The following LIMS1 variants were observed in gnomAD, a reference collection of about 807,000 sequenced individuals.
LIMS1 encodes the protein LIM zinc finger domain containing 1, also known as LIM and senescent cell antigen-like-containing domain protein 1.
Under a neutral mutation model 44.1 loss-of-function variants are expected in LIMS1, and 18 were observed. That is an observed-to-expected ratio of 0.41 (90% CI 0.28 to 0.61). The LOEUF (loss-of-function observed/expected upper bound fraction) is 0.61, where lower values mean the gene tolerates loss of function less well. Ranked by LOEUF, LIMS1 falls within the 20% of genes least tolerant of loss-of-function variation. The probability of loss-of-function intolerance (pLI) is 0.32; values close to 1 mark genes in which losing one functional copy is unlikely to be tolerated. For synonymous variants in LIMS1, 93 were observed against 149.1 expected (o/e 0.62, Z 2.74); for missense variants, 201 against 422.0 (o/e 0.48, Z 4.59).
intron 2 of LIMS1, 96 bp downstream of exon 2, chr2:108,659,860 A>G (rs1691214934): frequency 1.2e-6 from 2 of 1,605,102 alleles, no homozygotes; most frequent in Non-Finnish European, 1.7e-6. Flanking sequence ...GTTCAGTTTC[A>G]TGATGAAAGA....
chr2:108,585,215 A>G (rs1453230320), intron 1 of LIMS1, among the ~76,000 whole-genome samples: 1 of 149,512 alleles, frequency 6.7e-6, no homozygotes, highest in Non-Finnish European at 1.5e-5. Flanking sequence ...ACCTTAAGGG[A>G]TGCTGACTGT....
chr2:108,664,873 G>C (rs1691639829), intron 2 of LIMS1, among the ~76,000 whole-genome samples: 1 of 152,038 alleles, frequency 6.6e-6, no homozygotes, highest in East Asian at 1.9e-4. Context: ...CTCCTATTCT[G>C]GTTTTGAAGG....
At chr2:108,601,342 C>T (rs370188364) in intron 1 of LIMS1, among the ~76,000 whole-genome samples, 102 of 152,266 alleles carry the variant, frequency 6.7e-4, no homozygotes, top group African/African-American at 2.4e-3. Context: ...GACACTTGTC[C>T]GTGCACAGCG....
At chr2:108,686,988 G>A (rs1289308761) in exon 10 of LIMS1, 1 of 152,152 alleles carries the variant, frequency 6.6e-6, no homozygotes, top group African/African-American at 2.4e-5. Flanking sequence ...GGAACAATGG[G>A]TACAAGTAAA....
intron 1 of LIMS1, among the ~76,000 whole-genome samples, chr2:108,545,340 TCTC>T (rs1200499888): frequency 2.0e-5 from 3 of 152,172 alleles, no homozygotes; most frequent in African/African-American, 7.2e-5. Flanking sequence ...TTCAAGGGAT[TCTC>T]CTGCTTCAGC....
At chr2:108,673,059 A>G in intron 5 of LIMS1, 30 bp downstream of exon 5, 6 of 838,164 alleles carry the variant, frequency 7.2e-6, no homozygotes, top group Non-Finnish European at 1.1e-5. Context: ...TTTATTACAC[A>G]AGCAGTGGGA....
intron 1 of LIMS1, among the ~76,000 whole-genome samples, chr2:108,634,233 G>T (rs1385180036): frequency 6.6e-6 from 1 of 152,196 alleles, no homozygotes; most frequent in African/African-American, 2.4e-5. Flanking sequence ...GGGCTCTCTG[G>T]TGTGCCAGCT....
chr2:108,617,638 T>C (rs1687999391), intron 1 of LIMS1, among the ~76,000 whole-genome samples: 1 of 152,234 alleles, frequency 6.6e-6, no homozygotes, highest in East Asian at 1.9e-4. Flanking sequence ...TCCCTGGCCC[T>C]ATAGATGCAG....
chr2:108,571,315 G>A (rs1477781098), intron 1 of LIMS1, among the ~76,000 whole-genome samples: 2 of 152,178 alleles, frequency 1.3e-5, no homozygotes, highest in East Asian at 3.8e-4. Context: ...TAAAGATTAT[G>A]TAAACTTTAC....
intron 1 of LIMS1, among the ~76,000 whole-genome samples, chr2:108,617,753 C>G (rs900606315): frequency 1.3e-5 from 2 of 152,278 alleles, no homozygotes; most frequent in East Asian, 3.9e-4. Context: ...GATCCTTCTT[C>G]CAGTCTTACC....
chr2:108,605,603 G>A (rs895444906), intron 1 of LIMS1, among the ~76,000 whole-genome samples: 1 of 151,974 alleles, frequency 6.6e-6, no homozygotes, highest in African/African-American at 2.4e-5. Context: ...CCTACTACAT[G>A]CCCAGCACAT....
chr2:108,576,843 A>G (rs909403405), intron 1 of LIMS1, among the ~76,000 whole-genome samples: 1 of 152,166 alleles, frequency 6.6e-6, no homozygotes, highest in Non-Finnish European at 1.5e-5. Context: ...ACATGGCAAC[A>G]TTTGGTAAAT....
intron 1 of LIMS1, among the ~76,000 whole-genome samples, chr2:108,648,569 C>T (rs1257521909): frequency 6.6e-6 from 1 of 152,178 alleles, no homozygotes; most frequent in African/African-American, 2.4e-5. Context: ...TACTACAAGT[C>T]TACTTTGTTA....
intron 1 of LIMS1, among the ~76,000 whole-genome samples, chr2:108,618,502 C>T: frequency 6.9e-6 from 1 of 144,488 alleles, no homozygotes; most frequent in East Asian, 2.0e-4. Flanking sequence ...GAAAGCAGTC[C>T]TCTCTCTCTC....
intron 2 of LIMS1, among the ~76,000 whole-genome samples, chr2:108,667,554 A>G (rs1691862632): frequency 1.3e-5 from 1 of 76,114 alleles, no homozygotes; most frequent in Non-Finnish European, 3.7e-5. Flanking sequence ...AAAAAAAAAT[A>G]TATATATATA....
chr2:108,581,060 C>G (rs1685864003), intron 1 of LIMS1, among the ~76,000 whole-genome samples: 1 of 152,148 alleles, frequency 6.6e-6, no homozygotes, highest in East Asian at 1.9e-4. Context: ...TAACGTGCTT[C>G]CTTCTGCTTC....
exon 1 of LIMS1, chr2:108,534,521 G>C: frequency 1.7e-6 from 2 of 1,198,800 alleles, no homozygotes; most frequent in East Asian, 3.7e-5. Flanking sequence ...GCGGCGCCGG[G>C]AGACGAGGGG....
At chr2:108,557,181 G>A (rs1365883661) in intron 1 of LIMS1, among the ~76,000 whole-genome samples, 4 of 151,880 alleles carry the variant, frequency 2.6e-5, no homozygotes, top group African/African-American at 7.3e-5. Context: ...GAGCTTAAGC[G>A]ATCCTCCCAC....
chr2:108,623,228 T>A (rs895822452), intron 1 of LIMS1, among the ~76,000 whole-genome samples: 2 of 149,714 alleles, frequency 1.3e-5, no homozygotes, highest in Non-Finnish European at 3.0e-5. Context: ...ATTTTTTTTT[T>A]AATCAGCTTA....
Sources: gnomAD v4.1 joint callset for allele counts (sites outside exome capture counted in the v4.1 genomes callset) on GRCh38, gnomAD v4.1.1 for gene constraint, MANE v1.5 for transcripts, NCBI Gene and HGNC (gene_info 2026-07-23, HGNC 2026-07-21) for gene names.